The following PCED1B variants were observed in gnomAD, a reference collection of about 807,000 sequenced individuals.
PCED1B encodes PC-esterase domain-containing protein 1B.
For synonymous variants in PCED1B, 251 were observed against 246.1 expected, an observed-to-expected ratio of 1.02 and a Z score of -0.19; for missense variants, 573 against 573.9, an observed-to-expected ratio of 1.00 and a Z score of 0.02.
At chr12:47,139,806 G>C (rs562493184) in intron 2 of PCED1B, among the ~76,000 whole-genome samples, 1 of 152,200 alleles carries the variant, frequency 6.6e-6, no homozygotes, top group South Asian at 2.1e-4. Flanking sequence ...GCTATGATGT[G>C]GCATGTGTAT....
At chr12:47,099,295 G>A (rs1250211668) in intron 1 of PCED1B, among the ~76,000 whole-genome samples, 3 of 152,206 alleles carry the variant, frequency 2.0e-5, no homozygotes, top group South Asian at 2.1e-4. Flanking sequence ...CCGGAACACC[G>A]GCTATTACCT....
intron 2 of PCED1B, among the ~76,000 whole-genome samples, chr12:47,199,896 C>T (rs368957860): frequency 3.3e-5 from 5 of 152,128 alleles, no homozygotes; most frequent in African/African-American, 7.2e-5. Flanking sequence ...CTAAGAACTT[C>T]GGCTTGGCAA....
At chr12:47,098,717 C>T (rs1404403619) in intron 1 of PCED1B, among the ~76,000 whole-genome samples, 4 of 152,102 alleles carry the variant, frequency 2.6e-5, no homozygotes, top group Non-Finnish European at 4.4e-5. Flanking sequence ...CTCCTGACCT[C>T]GTGATCCGCC....
intron 2 of PCED1B, among the ~76,000 whole-genome samples, chr12:47,119,881 T>C (rs948082906): frequency 6.6e-6 from 1 of 151,532 alleles, no homozygotes; most frequent in Non-Finnish European, 1.5e-5. Flanking sequence ...GCATGAGAAT[T>C]GTTTGAACCC....
rs1943928873 is a variant in PCED1B, at chr12:47,235,063, C to T, written c.-1C>T. On this transcript the variant is annotated 5_prime_UTR_variant, in exon 4 of 4. Coordinates refer to ENST00000546455, the MANE Select transcript of PCED1B (RefSeq NM_138371.3). ...GAGCTAGGCTGTGCGCCCTGGGCGTCATGATCCTTCTGCGGGCCTCCGAAG... is the reference window on the plus strand; with the variant it reads ...GAGCTAGGCTGTGCGCCCTGGGCGTTATGATCCTTCTGCGGGCCTCCGAAG... 6 of 1,524,542 alleles carry T rather than the reference C, an allele frequency of 3.9e-6. No individual in the cohort carries two copies. In the South Asian group the frequency reaches 6.6e-5, roughly 17 times the overall value. The allele number at this position is 1,524,542 out of a possible 1,614,324, so 94.4% of individuals were successfully genotyped here.
chr12:47,113,251 T>C (rs183291791), intron 2 of PCED1B, among the ~76,000 whole-genome samples: 213 of 152,296 alleles, frequency 1.4e-3, no homozygotes, highest in African/African-American at 5.1e-3. Context: ...GAGACGGCTA[T>C]GGAAATTCAG....
At chr12:47,186,150 A>G (rs11183782) in intron 2 of PCED1B, among the ~76,000 whole-genome samples, 83,335 of 150,978 alleles carry the variant, frequency 0.55, 23,590 homozygotes, top group Non-Finnish European at 0.62. Context: ...CCCAGGGGGC[A>G]GGGGTTGCAG....
Position 47,236,307 on chromosome 12 carries a change from G to A in PCED1B, c.1244G>A (p.Arg415Gln), listed in dbSNP as rs201315028. Residue 415 changes from arginine (R) to glutamine (Q), a missense_variant, in exon 4 of 4, where the codon CGG becomes CAG. Transcript: ENST00000546455. ...GGCCCCTATACGCCCTGGGGACAGC[G>A]GCCTCGACCTTCAAAGAGAAGGGCC... ...PRGPYTPWGQ[R>Q]PRPSKRRAPA... The A allele has an allele frequency of 6.4e-4, 1,031 of 1,613,318 alleles. 1 individual carries two copies. Among genetic ancestry groups the A allele is most frequent in the Admixed American group, 1.5e-3 (88 of 59,818 alleles).
rs1467257288 is a variant in PCED1B at position 47,235,954 on chromosome 12, C to A, written c.891C>A (p.Pro297=). Residue 297 remains proline (P), a synonymous_variant, in exon 4 of 4, where the codon CCC becomes CCA. Transcript: ENST00000546455. Reference sequence around the variant, plus strand: ...CTCTGTCCCCACCCTTACCTTCCCCCACATACCGCCCCCTGCTTGGGTTCC... The same window carrying A: ...CTCTGTCCCCACCCTTACCTTCCCCAACATACCGCCCCCTGCTTGGGTTCC... The part of the protein sequence containing the change: ...ALPLSPPLPS[P]TYRPLLGFPP... 1.2e-6 allele frequency: 2 copies of A among 1,612,344 alleles called. No homozygotes were observed. The highest frequency in any genetic ancestry group is 1.7e-6 in the Non-Finnish European group (2 of 1,179,366).
chr12:47,193,272 C>T (rs954815171), intron 2 of PCED1B, among the ~76,000 whole-genome samples: 6 of 152,154 alleles, frequency 3.9e-5, no homozygotes, highest in Non-Finnish European at 8.8e-5. Flanking sequence ...AAAGTGAGAC[C>T]GGATTTTGCA....
chr12:47,129,293 T>C (rs1257686993), intron 2 of PCED1B, among the ~76,000 whole-genome samples: 1 of 152,016 alleles, frequency 6.6e-6, no homozygotes, highest in African/African-American at 2.4e-5. Flanking sequence ...GGCAACATGG[T>C]GAAACCCTGT....
At chr12:47,234,100 T>C (rs975046038) in intron 3 of PCED1B, among the ~76,000 whole-genome samples, 8 of 152,224 alleles carry the variant, frequency 5.3e-5, no homozygotes, top group South Asian at 2.1e-4. Context: ...GCAATTCTCC[T>C]GCCTCAGCCT....
chr12:47,151,326 A>G (rs1363960285), intron 2 of PCED1B, among the ~76,000 whole-genome samples: 1 of 152,194 alleles, frequency 6.6e-6, no homozygotes, highest in Non-Finnish European at 1.5e-5. Context: ...ACTTGCCTAC[A>G]GTATTCAGAA....
At chr12:47,171,878 T>TTTC (rs145146818) in intron 2 of PCED1B, among the ~76,000 whole-genome samples, 1 of 148,038 alleles carries the variant, frequency 6.8e-6, no homozygotes, top group African/African-American at 2.6e-5. Flanking sequence ...TTCTTCTTCT[T>TTTC]TTCTTCTTCT....
chr12:47,081,118 T>C (rs533311627), intron 1 of PCED1B, among the ~76,000 whole-genome samples: 170 of 152,350 alleles, frequency 1.1e-3, no homozygotes, highest in Non-Finnish European at 2.1e-3. Flanking sequence ...CGATGGGATT[T>C]GAGTGAGTCA....
At chr12:47,088,025 A>G (rs1467873301) in intron 1 of PCED1B, among the ~76,000 whole-genome samples, 1 of 152,198 alleles carries the variant, frequency 6.6e-6, no homozygotes, top group Non-Finnish European at 1.5e-5. Flanking sequence ...CTCTAGGTAA[A>G]TGACTCAACC....
chr12:47,233,103 G>A (rs1416808304), intron 3 of PCED1B, among the ~76,000 whole-genome samples: 1 of 151,972 alleles, frequency 6.6e-6, no homozygotes, highest in African/African-American at 2.4e-5. Flanking sequence ...ATGGGGTTTT[G>A]CCATGTTGCC....
intron 2 of PCED1B, among the ~76,000 whole-genome samples, chr12:47,179,306 G>A (rs1392254784): frequency 6.6e-6 from 1 of 152,148 alleles, no homozygotes; most frequent in African/African-American, 2.4e-5. Flanking sequence ...GATGACACAA[G>A]GGAACATCAA....
At chr12:47,163,986 C>G (rs1411756218) in intron 2 of PCED1B, among the ~76,000 whole-genome samples, 1 of 152,156 alleles carries the variant, frequency 6.6e-6, no homozygotes, top group African/African-American at 2.4e-5. Context: ...AGCAACAACT[C>G]ACCCACTCCT....
Sources: gnomAD v4.1 joint callset for allele counts (sites outside exome capture counted in the v4.1 genomes callset) on GRCh38, gnomAD v4.1.1 for gene constraint, MANE v1.5 for transcripts, NCBI Gene and HGNC (gene_info 2026-07-23, HGNC 2026-07-21) for gene names.